Variants in EDARADD observed in about 807,000 individuals in gnomAD.
EDARADD encodes ectodysplasin-A receptor-associated adapter protein.
Under a neutral mutation model 25.6 loss-of-function variants are expected in EDARADD, and 20 were observed. That is an observed-to-expected ratio of 0.78 (90% CI 0.55 to 1.14). The LOEUF is 1.14. Among genes scored for constraint, EDARADD ranks in the 50% most tolerant of loss-of-function variants. The pLI, the probability that EDARADD is intolerant of heterozygous loss-of-function variation, is 0.00. For synonymous variants in EDARADD, 86 were observed against 94.4 expected, an observed-to-expected ratio of 0.91 and a Z score of 0.52; for missense variants, 225 against 270.1, an observed-to-expected ratio of 0.83 and a Z score of 1.17.
chr1:236,474,216 C>A (rs570663587), intron 5 of EDARADD, among the ~76,000 whole-genome samples: 6 of 152,122 alleles, frequency 3.9e-5, no homozygotes, highest in Admixed American at 3.3e-4. Context: ...ACATTAGGCA[C>A]AAGAATTTTG....
At chr1:236,436,673 A>G (rs889584816) in intron 4 of EDARADD, among the ~76,000 whole-genome samples, 2 of 150,698 alleles carry the variant, frequency 1.3e-5, no homozygotes, top group African/African-American at 4.9e-5. Context: ...TTTTAGAGGC[A>G]GGACTCAAAG....
chr1:236,438,451 C>T (rs1366646696), intron 4 of EDARADD, among the ~76,000 whole-genome samples: 1 of 152,138 alleles, frequency 6.6e-6, no homozygotes, highest in African/African-American at 2.4e-5. Context: ...TTTCAGAGAA[C>T]CCCGGTGGTG....
chr1:236,429,400 CAG>C (rs1658035711), intron 4 of EDARADD, among the ~76,000 whole-genome samples: 1 of 149,836 alleles, frequency 6.7e-6, no homozygotes, highest in Admixed American at 6.6e-5. Context: ...TTTTTTTAGA[CAG>C]AGTCTCGCTC....
rs1482045570 is a variant in EDARADD, at chr1:236,482,561, A to G, written c.560A>G (p.His187Arg). The G allele has an allele frequency of 1.9e-6, 3 of 1,613,558 alleles. No individual in the cohort carries two copies. Among genetic ancestry groups the G allele is most frequent in the South Asian group, 2.2e-5 (2 of 91,066 alleles). ...GQLMELCRLY[H>R]RADVEKVLRR... ...CTGATGGAGCTCTGCAGGCTCTACC[A>G]CAGGGCCGACGTGGAGAAGGTTCTG... Residue 187 changes from histidine (H) to arginine (R), a missense_variant, in exon 6 of 6, where the codon CAC (histidine) becomes CGC (arginine). Physicochemically the swap from His to Arg is conservative, Grantham distance 29. Transcript: ENST00000334232.
At chr1:236,390,756 A>C (rs1471861781), upstream of EDARADD, among the ~76,000 whole-genome samples, 1 of 152,216 alleles carries the variant, frequency 6.6e-6, no homozygotes, top group East Asian at 1.9e-4. Flanking sequence ...TGCTGGATTA[A>C]TCTTCCAAAA....
At chr1:236,457,841 A>C (rs1466810615) in intron 4 of EDARADD, among the ~76,000 whole-genome samples, 1 of 148,700 alleles carries the variant, frequency 6.7e-6, no homozygotes, top group Non-Finnish European at 1.5e-5. Flanking sequence ...AAAAAAAAAA[A>C]AATCAGGCCA....
intron 5 of EDARADD, 28 bp from the exon 6 acceptor site, chr1:236,482,239 C>T (rs376675770): frequency 3.2e-5 from 51 of 1,613,810 alleles, no homozygotes; most frequent in Non-Finnish European, 4.2e-5. Flanking sequence ...TCTTGTTGAC[C>T]TGTGGACTAA....
chr1:236,428,886 C>T (rs535446820), intron 4 of EDARADD, among the ~76,000 whole-genome samples: 22 of 152,164 alleles, frequency 1.4e-4, no homozygotes, highest in African/African-American at 4.8e-4. Context: ...GCAATCCCGG[C>T]GCCTCGGGAG....
chr1:236,423,631 G>A (rs1025671426), intron 3 of EDARADD, among the ~76,000 whole-genome samples: 1 of 152,130 alleles, frequency 6.6e-6, no homozygotes, highest in African/African-American at 2.4e-5. Context: ...TATCATGTCC[G>A]TTTGCAGATG....
intron 5 of EDARADD, among the ~76,000 whole-genome samples, chr1:236,478,050 C>G (rs960342415): frequency 2.0e-5 from 3 of 152,088 alleles, no homozygotes; most frequent in African/African-American, 4.8e-5. Context: ...TTGCTGTGAG[C>G]TGAGATTGTG....
intron 4 of EDARADD, among the ~76,000 whole-genome samples, chr1:236,459,547 T>C (rs541337576): frequency 6.6e-6 from 1 of 152,116 alleles, no homozygotes; most frequent in African/African-American, 2.4e-5. Context: ...AACCCACAGG[T>C]TTGCTGTAAT....
chr1:236,455,682 C>T lies in EDARADD; in HGVS notation c.220-12549C>T, dbSNP rs955949486. Among the ~76,000 whole-genome samples the T allele has an allele frequency of 2.6e-5, 4 of 152,220 alleles. No homozygotes were observed. In the East Asian group the frequency reaches 5.8e-4, roughly 22 times the overall value. On this transcript the variant is annotated intron_variant, in intron 4 of 5. Coordinates refer to ENST00000334232, the MANE Select transcript of EDARADD (RefSeq NM_145861.4). ...GCTATTGCATTCCAGTCCAAACCAA[C>T]GGCAGGTTCTCAAAACAAGCGGTGA... is the stretch of plus-strand genomic sequence containing the variant.
At chr1:236,367,653 C>T (rs1667127675) in intron 3 of EDARADD, among the ~76,000 whole-genome samples, 1 of 152,178 alleles carries the variant, frequency 6.6e-6, no homozygotes, top group Admixed American at 6.5e-5. Flanking sequence ...GTGTGAGTCA[C>T]CATGCCCAGC....
intron 2 of EDARADD, among the ~76,000 whole-genome samples, chr1:236,410,865 G>A (rs1182154097): frequency 3.3e-5 from 5 of 152,124 alleles, no homozygotes; most frequent in Non-Finnish European, 5.9e-5. Context: ...ACAGCGTAGG[G>A]GGTCAAGCTT....
intron 4 of EDARADD, among the ~76,000 whole-genome samples, chr1:236,436,149 A>T (rs1658244017): frequency 6.6e-6 from 1 of 151,810 alleles, no homozygotes; most frequent in Non-Finnish European, 1.5e-5. Flanking sequence ...ATTAAAAAAA[A>T]AAATGTCTTT....
In EDARADD at chr1:236,398,847, G is replaced by A. The variant is rs915812855; in HGVS notation, c.61+4342G>A. 7.2e-5 allele frequency among the ~76,000 whole-genome samples: 11 copies of A among 152,130 alleles called. No homozygotes were observed. The highest frequency in any genetic ancestry group is 7.2e-5 in the African/African-American group (3 of 41,404). On this transcript the variant is annotated intron_variant, in intron 1 of 5. Coordinates refer to ENST00000334232, the MANE Select transcript of EDARADD (RefSeq NM_145861.4). The surrounding 1 kb of genome is among the most constrained non-coding windows in gnomAD (Gnocchi z 4.1). ...TTCTAGCTGTGATTATTTGGCCACC[G>A]TGGCTATTTCCAGTAGGAAATAAAC... is the stretch of plus-strand genomic sequence containing the variant.
At chr1:236,389,920 G>T (rs1008246798), upstream of EDARADD, among the ~76,000 whole-genome samples, 1 of 152,136 alleles carries the variant, frequency 6.6e-6, no homozygotes, top group Non-Finnish European at 1.5e-5. Flanking sequence ...GAGGTGGAGG[G>T]ACTGCTTGAA....
At chr1:236,468,636 T>G (rs939329936) in intron 5 of EDARADD, among the ~76,000 whole-genome samples, 1 of 152,078 alleles carries the variant, frequency 6.6e-6, no homozygotes, top group African/African-American at 2.4e-5. Flanking sequence ...TTAAATTAAA[T>G]AAAATAAATA....
At chr1:236,456,824 C>G (rs1294397732) in intron 4 of EDARADD, among the ~76,000 whole-genome samples, 1 of 150,910 alleles carries the variant, frequency 6.6e-6, no homozygotes. Context: ...CCTTGAACCC[C>G]GGCCCTGCAG....
Sources: allele counts gnomAD v4.1 joint callset (sites outside exome capture counted in the v4.1 genomes callset), GRCh38; gene constraint gnomAD v4.1.1; non-coding constraint Gnocchi (gnomAD v3.1); transcripts MANE v1.5; gene names NCBI Gene and HGNC (gene_info 2026-07-23, HGNC 2026-07-21).